The following OR4E2 variants were observed in gnomAD, a reference collection of about 807,000 sequenced individuals.
OR4E2 encodes olfactory receptor 4E2.
In OR4E2, 9 loss-of-function variants were observed where a neutral mutation model predicts 11.0. That is an observed-to-expected ratio of 0.82 (90% CI 0.49 to 1.43). The LOEUF is 1.43. OR4E2 is among the 40% of genes most tolerant of loss of function. The pLI is 0.00. For missense variants in OR4E2, 441 were observed against 382.0 expected (o/e 1.15, Z -1.29); for synonymous variants, 159 against 147.3 (o/e 1.08, Z -0.57).
intron 2 of OR4E2, among the ~76,000 whole-genome samples, chr14:21,659,062 G>A (rs1230908298): frequency 1.3e-5 from 2 of 152,044 alleles, no homozygotes; most frequent in African/African-American, 4.8e-5. Context: ...TTTAGACAGG[G>A]TCTTGATCTG....
At position 21,666,127 on chromosome 14, in the gene OR4E2, G is replaced by C. The variant is rs1880637003; in HGVS notation, c.*103G>C. On this transcript the variant is annotated 3_prime_UTR_variant, in exon 4 of 4. Coordinates refer to ENST00000641524, the MANE Select transcript of OR4E2 (RefSeq NM_001001912.3). ...TATAACTTGGTAAATTAGGTAAAAT[G>C]GCATAGAGCAGGTCAGATTTCTGCT... 2 of 775,464 alleles carry C rather than the reference G, an allele frequency of 2.6e-6. No homozygotes were observed. Among genetic ancestry groups the C allele is most frequent in the Non-Finnish European group, 2.1e-6 (1 of 476,550 alleles). 48.0% of individuals were successfully genotyped at this position (775,464 alleles called of 1,614,324 possible).
At chr14:21,663,192 A>G (rs1367734332) in intron 3 of OR4E2, among the ~76,000 whole-genome samples, 1 of 152,168 alleles carries the variant, frequency 6.6e-6, no homozygotes, top group Non-Finnish European at 1.5e-5. Context: ...TCTTAAAAAA[A>G]TTTTAGTCTG....
intron 1 of OR4E2, among the ~76,000 whole-genome samples, chr14:21,654,542 G>A (rs988878949): frequency 8.5e-5 from 13 of 152,094 alleles, no homozygotes; most frequent in African/African-American, 2.9e-4. Context: ...TTTCCAGGAT[G>A]CCCCTACCAA....
chr14:21,663,261 C>T (rs1373537250), intron 3 of OR4E2, among the ~76,000 whole-genome samples: 10 of 152,042 alleles, frequency 6.6e-5, no homozygotes, highest in African/African-American at 1.4e-4. Context: ...GGGTGGATCA[C>T]GAGGTCAGGA....
intron 2 of OR4E2, among the ~76,000 whole-genome samples, chr14:21,657,200 G>A (rs1197055496): frequency 2.0e-5 from 3 of 152,222 alleles, no homozygotes; most frequent in Admixed American, 2.0e-4. Flanking sequence ...GTTTTGGGCT[G>A]TTCTGGAGAA....
intron 2 of OR4E2, among the ~76,000 whole-genome samples, chr14:21,657,589 C>T (rs934170631): frequency 1.5e-4 from 22 of 145,620 alleles, no homozygotes; most frequent in Non-Finnish European, 1.8e-4. Context: ...CTTCCCTTCC[C>T]TTCCCTTCCT....
In OR4E2 at chr14:21,666,481, C is replaced by T. The variant is rs1231105766; in HGVS notation, c.*457C>T. The T allele has an allele frequency of 6.6e-6, 1 of 152,492 alleles. No homozygotes were observed. 9.4% of individuals were successfully genotyped at this position (152,492 alleles called of 1,614,324 possible). On this transcript the variant is annotated 3_prime_UTR_variant, in exon 4 of 4. Coordinates refer to ENST00000641524, the MANE Select transcript of OR4E2 (RefSeq NM_001001912.3). The stretch of plus-strand genomic sequence containing the variant: ...TATATTTTCAAGTGTATAAATAAGC[C>T]TTTACTTATTTATATTGAATTAAAC...
intron 3 of OR4E2, among the ~76,000 whole-genome samples, chr14:21,664,651 G>T (rs1235584584): frequency 6.6e-6 from 1 of 152,158 alleles, no homozygotes; most frequent in African/African-American, 2.4e-5. Flanking sequence ...ATGAAAATGT[G>T]CAGCAGACTG....
chr14:21,661,132 A>C (rs1880299065), intron 3 of OR4E2, among the ~76,000 whole-genome samples: 1 of 152,206 alleles, frequency 6.6e-6, no homozygotes, highest in Non-Finnish European at 1.5e-5. Flanking sequence ...ATTATGAATT[A>C]TAATGTAAAA....
At chr14:21,662,519 C>G (rs1418780669) in intron 3 of OR4E2, among the ~76,000 whole-genome samples, 1 of 152,124 alleles carries the variant, frequency 6.6e-6, no homozygotes, top group Non-Finnish European at 1.5e-5. Context: ...TCTGGCTGGT[C>G]TTGAACTCCT....
intron 2 of OR4E2, among the ~76,000 whole-genome samples, chr14:21,657,339 T>A (rs990896240): frequency 4.3e-5 from 3 of 69,180 alleles, no homozygotes; most frequent in African/African-American, 1.9e-4. Context: ...TGTTAAATGC[T>A]TCCTTCCTTC....
At position 21,662,626 on chromosome 14, in the gene OR4E2, A is replaced by G. The variant is rs533306172; in HGVS notation, c.-9+1880A>G. Among the ~76,000 whole-genome samples, 4 of 152,194 alleles carry G rather than the reference A, an allele frequency of 2.6e-5. No homozygotes were observed. In the East Asian group the frequency reaches 5.8e-4, roughly 22 times the overall value. ...GCATTATATATTTTAAATTATTGAGAAAGTTTAACACGCTTTATCTCATTT... is the reference window on the plus strand; with the variant it reads ...GCATTATATATTTTAAATTATTGAGGAAGTTTAACACGCTTTATCTCATTT... On this transcript the variant is annotated intron_variant, in intron 3 of 3. Transcript: ENST00000641524.
At position 21,665,119 on chromosome 14, in the gene OR4E2, G is replaced by T. The variant is rs191026837; in HGVS notation, c.37G>T (p.Val13Phe). The T allele has an allele frequency of 1.9e-6, 3 of 1,612,932 alleles. No homozygotes were observed. Among genetic ancestry groups the T allele is most frequent in the African/African-American group, 1.3e-5 (1 of 74,996 alleles). The change falls in exon 4 of 4, where the codon GTC (valine) becomes TTC (phenylalanine). Residue 13 changes from valine (V) to phenylalanine (F), a missense_variant. Coordinates refer to ENST00000641524, the MANE Select transcript of OR4E2 (RefSeq NM_001001912.3). ...SLNQTRVTEF[V>F]FLGLTDNRVL... ...AAACCAAACAAGAGTGACTGAATTT[G>T]TCTTCTTGGGACTCACTGATAACCG...
At chr14:21,655,737 T>G (rs551874962) in intron 1 of OR4E2, among the ~76,000 whole-genome samples, 1 of 152,150 alleles carries the variant, frequency 6.6e-6, no homozygotes. Flanking sequence ...TCAAGTTATA[T>G]CCCCTAAAAG....
rs1367530496 is a variant in OR4E2, at chr14:21,665,921, C to T, written c.839C>T (p.Pro280Leu). ...VVSVFYTVVT[P>L]LLNPFIYTLR... ...TCTGTCTTCTACACAGTGGTCACCCCTTTGCTGAATCCCTTCATTTACACC... is the reference window on the plus strand; with the variant it reads ...TCTGTCTTCTACACAGTGGTCACCCTTTTGCTGAATCCCTTCATTTACACC... The change falls in exon 4 of 4, where the codon CCT becomes CTT. Residue 280 changes from proline to leucine, a missense_variant. Transcript: ENST00000641524. 1.2e-6 allele frequency: 2 copies of T among 1,613,480 alleles called. No homozygotes were observed. The highest frequency in any genetic ancestry group is 8.5e-7 in the Non-Finnish European group (1 of 1,179,778).
chr14:21,663,150 G>A (rs1880427165), intron 3 of OR4E2, among the ~76,000 whole-genome samples: 1 of 152,126 alleles, frequency 6.6e-6, no homozygotes, highest in African/African-American at 2.4e-5. Flanking sequence ...CCTACTAAGT[G>A]CTGCAAAGGA....
At chr14:21,659,711 G>A (rs567216060) in intron 2 of OR4E2, among the ~76,000 whole-genome samples, 7 of 152,122 alleles carry the variant, frequency 4.6e-5, no homozygotes, top group East Asian at 1.9e-4. Context: ...AGTTATAATC[G>A]TTCAAAAATA....
intron 2 of OR4E2, among the ~76,000 whole-genome samples, chr14:21,659,875 A>G (rs948193724): frequency 6.6e-6 from 1 of 152,184 alleles, no homozygotes; most frequent in Non-Finnish European, 1.5e-5. Context: ...ATTATACAGT[A>G]TATTAGAAGG....
At chr14:21,656,847 G>A (rs1310163352) in intron 2 of OR4E2, among the ~76,000 whole-genome samples, 4 of 152,110 alleles carry the variant, frequency 2.6e-5, no homozygotes, top group East Asian at 3.9e-4. Context: ...ACACACATAC[G>A]CACACCCTCC....
Sources: allele counts gnomAD v4.1 joint callset (sites outside exome capture counted in the v4.1 genomes callset), GRCh38; gene constraint gnomAD v4.1.1; transcripts MANE v1.5; gene names NCBI Gene and HGNC (gene_info 2026-07-23, HGNC 2026-07-21).